The following RUNDC3B variants were observed in gnomAD, a reference collection of about 807,000 sequenced individuals.
RUNDC3B encodes the protein RUN domain-containing protein 3B.
RUNDC3B carries 33 observed loss-of-function variants against 58.4 expected under a neutral mutation model. The ratio of observed to expected loss-of-function variants is 0.56; its 90% confidence interval spans 0.43 to 0.75. The LOEUF is 0.75. RUNDC3B is among the 30% of genes least tolerant of loss of function. The pLI is 0.00. For synonymous variants in RUNDC3B, 193 were observed against 195.2 expected, an observed-to-expected ratio of 0.99 and a Z score of 0.10; for missense variants, 501 against 535.7, an observed-to-expected ratio of 0.94 and a Z score of 0.64.
At chr7:87,714,598 G>A (rs981403926) in intron 4 of RUNDC3B, among the ~76,000 whole-genome samples, 21 of 152,088 alleles carry the variant, frequency 1.4e-4, no homozygotes, top group African/African-American at 4.6e-4. Context: ...AGCAGTAACA[G>A]TTGCAACAAA....
At chr7:87,828,968 C>T (rs1159874451) in intron 10 of RUNDC3B, among the ~76,000 whole-genome samples, 1 of 152,166 alleles carries the variant, frequency 6.6e-6, no homozygotes, top group Non-Finnish European at 1.5e-5. Context: ...TTCTCAGTCA[C>T]TTTGCCAACA....
chr7:87,719,712 A>C lies in RUNDC3B; in HGVS notation c.458+9057A>C, dbSNP rs567379543. On this transcript the variant is annotated intron_variant, in intron 4 of 10. Coordinates refer to ENST00000394654, the MANE Select transcript of RUNDC3B (RefSeq NM_001134405.2). ...TTTATGATAAAGGTAGAATCTTAAA[A>C]CACTGAGGTGATGAGGAGATTTGTA... 2.6e-4 allele frequency among the ~76,000 whole-genome samples: 39 copies of C among 152,008 alleles called. 1 individual carries two copies. The highest frequency in any genetic ancestry group is 3.4e-3 in the Middle Eastern group (1 of 294).
At chr7:87,710,536 T>A in intron 3 of RUNDC3B, 34 bp from the exon 4 acceptor site, 2 of 1,326,300 alleles carry the variant, frequency 1.5e-6, no homozygotes, top group South Asian at 2.7e-5. Flanking sequence ...TTTTTTAATT[T>A]TTTTTATATT....
chr7:87,788,190 A>G (rs1713029458), intron 8 of RUNDC3B, among the ~76,000 whole-genome samples: 1 of 152,216 alleles, frequency 6.6e-6, no homozygotes, highest in Non-Finnish European at 1.5e-5. Flanking sequence ...TGAGAGGCCA[A>G]GGCGAGAGAA....
intron 6 of RUNDC3B, among the ~76,000 whole-genome samples, chr7:87,752,108 C>G (rs1388584493): frequency 6.6e-6 from 1 of 152,102 alleles, no homozygotes; most frequent in East Asian, 1.9e-4. Flanking sequence ...TTGTCAAAGG[C>G]CTTTTCTGCA....
intron 1 of RUNDC3B, among the ~76,000 whole-genome samples, chr7:87,630,880 C>T (rs1255826254): frequency 2.0e-5 from 3 of 151,978 alleles, no homozygotes; most frequent in African/African-American, 7.2e-5. Flanking sequence ...GTATTTCAAC[C>T]TTATTTAAAC....
At chr7:87,819,594 GCACCA>G (rs1279435012) in intron 10 of RUNDC3B, among the ~76,000 whole-genome samples, 2 of 152,064 alleles carry the variant, frequency 1.3e-5, no homozygotes, top group Non-Finnish European at 2.9e-5. Context: ...ATTCTTTTCA[GCACCA>G]CACCACACCT....
chr7:87,726,000 C>G (rs1277719163), intron 4 of RUNDC3B, among the ~76,000 whole-genome samples: 1 of 152,146 alleles, frequency 6.6e-6, no homozygotes, highest in Non-Finnish European at 1.5e-5. Context: ...AGCCCTTTGT[C>G]AGATGAGTAG....
intron 7 of RUNDC3B, among the ~76,000 whole-genome samples, chr7:87,774,350 AC>A (rs1834500698): frequency 6.6e-6 from 1 of 152,154 alleles, no homozygotes; most frequent in Admixed American, 6.5e-5. Flanking sequence ...TAGTGAAAGA[AC>A]AACCAAACCA....
At chr7:87,697,736 C>G (rs182974573) in intron 2 of RUNDC3B, among the ~76,000 whole-genome samples, 17 of 152,268 alleles carry the variant, frequency 1.1e-4, no homozygotes, top group African/African-American at 3.9e-4. Flanking sequence ...ATGATCACAT[C>G]TAATCCTTAC....
At chr7:87,822,582 T>A (rs1290356117) in intron 10 of RUNDC3B, among the ~76,000 whole-genome samples, 1 of 152,184 alleles carries the variant, frequency 6.6e-6, no homozygotes, top group Non-Finnish European at 1.5e-5. Flanking sequence ...TAAAGACACA[T>A]GCACACATAT....
chr7:87,661,639 T>A (rs1342391249), intron 2 of RUNDC3B, among the ~76,000 whole-genome samples: 2 of 151,896 alleles, frequency 1.3e-5, no homozygotes, highest in Admixed American at 6.6e-5. Context: ...TTGTGTATAT[T>A]TACCACATTT....
intron 4 of RUNDC3B, among the ~76,000 whole-genome samples, chr7:87,711,474 T>G (rs1487159683): frequency 6.6e-6 from 1 of 152,078 alleles, no homozygotes; most frequent in Non-Finnish European, 1.5e-5. Context: ...AAATAGGACT[T>G]TGTTGATTTT....
chr7:87,700,869 A>G (rs1005883139), intron 3 of RUNDC3B, among the ~76,000 whole-genome samples: 2 of 152,216 alleles, frequency 1.3e-5, no homozygotes, highest in African/African-American at 4.8e-5. Flanking sequence ...TGCAGACACA[A>G]TGGTGGATAA....
intron 6 of RUNDC3B, among the ~76,000 whole-genome samples, chr7:87,752,043 T>C (rs1341143655): frequency 1.3e-5 from 2 of 152,194 alleles, no homozygotes; most frequent in African/African-American, 4.8e-5. Context: ...TTTTGAAATA[T>C]GTCCCATCAA....
chr7:87,792,996 G>C (rs1475047284), intron 8 of RUNDC3B, among the ~76,000 whole-genome samples: 1 of 151,954 alleles, frequency 6.6e-6, no homozygotes, highest in Non-Finnish European at 1.5e-5. Context: ...AATAAAATCA[G>C]AGATTAAAAA....
intron 6 of RUNDC3B, among the ~76,000 whole-genome samples, chr7:87,763,036 CA>C (rs1833783565): frequency 2.0e-5 from 3 of 151,474 alleles, no homozygotes; most frequent in East Asian, 3.9e-4. Context: ...TTGCCTTTTA[CA>C]AATTTCTCTT....
At position 87,628,582 on chromosome 7, in the gene RUNDC3B, TGC is replaced by T. The variant is rs1171488303; in HGVS notation, c.-240_-239del. ...GCCGAGGGCGGAGGTGGTGCGTGCG[TGC>T]GTGTGTGTGTGTGTGTGTGTGTGTG... On this transcript the variant is annotated 5_prime_UTR_variant, in exon 1 of 11. Coordinates refer to ENST00000394654, the MANE Select transcript of RUNDC3B (RefSeq NM_001134405.2). 709 of 270,830 alleles carry T rather than the reference TGC, an allele frequency of 2.6e-3. 2 individuals are homozygous for T. The highest frequency in any genetic ancestry group is 5.3e-3 in the Admixed American group (73 of 13,782). The allele number at this position is 270,830 out of a possible 1,614,324, so 16.8% of individuals were successfully genotyped here.
intron 2 of RUNDC3B, among the ~76,000 whole-genome samples, chr7:87,652,646 A>ATATATATATATATATAT: frequency 6.3e-4 from 92 of 147,130 alleles, no homozygotes; most frequent in African/African-American, 1.8e-3. Flanking sequence ...ATATATATAT[A>ATATATATATATATATAT]GTAGGAAGTA....
Sources: allele counts gnomAD v4.1 joint callset (sites outside exome capture counted in the v4.1 genomes callset), GRCh38; gene constraint gnomAD v4.1.1; transcripts MANE v1.5; gene names NCBI Gene and HGNC (gene_info 2026-07-23, HGNC 2026-07-21).